The following FLCN variants were observed in gnomAD, a reference collection of about 807,000 sequenced individuals.
FLCN encodes the protein folliculin.
In FLCN, 22 loss-of-function variants were observed where a neutral mutation model predicts 62.5. The observed-to-expected ratio is 0.35, with a 90% CI of 0.25 to 0.50. FLCN has a LOEUF of 0.50. Ranked by LOEUF, FLCN falls within the 20% of genes least tolerant of loss-of-function variation. The pLI, the probability that FLCN is intolerant of heterozygous loss-of-function variation, is 0.97. For missense variants in FLCN, 657 were observed against 778.0 expected (o/e 0.84, Z 1.85); for synonymous variants, 319 against 310.0 (o/e 1.03, Z -0.30).
chr17:17,222,860 T>C, intron 6 of FLCN, 199 bp from the exon 7 acceptor site: 1 of 667,224 alleles, frequency 1.5e-6, no homozygotes, highest in South Asian at 1.7e-5. Context: ...TCAGGAGCTA[T>C]CCGAGAACAG....
At chr17:17,220,734 A>C (rs892572756) in intron 8 of FLCN, 2 of 167,880 alleles carry the variant, frequency 1.2e-5, no homozygotes, top group African/African-American at 4.8e-5. Context: ...TTAGCACTAT[A>C]ATAAATGGCT....
chr17:17,230,429 G>A (rs2047385440), intron 3 of FLCN, among the ~76,000 whole-genome samples: 2 of 152,102 alleles, frequency 1.3e-5, no homozygotes, highest in African/African-American at 4.8e-5. Context: ...TACTCAGGAG[G>A]CTGAGGCACG....
chr17:17,213,992 G>A (rs561632640), intron 13 of FLCN, 136 bp from the exon 14 acceptor site: 1 of 957,074 alleles, frequency 1.0e-6, no homozygotes, highest in East Asian at 2.5e-5. Flanking sequence ...ACACCCTTGG[G>A]GCAGCAGGCT....
intron 8 of FLCN, 151 bp from the exon 9 acceptor site, chr17:17,219,360 T>TG: frequency 2.5e-6 from 1 of 406,552 alleles, no homozygotes; most frequent in Non-Finnish European, 4.9e-6. Context: ...CTGGGAGCCC[T>TG]GGGGTGGGAG....
chr17:17,227,791 G>C (rs1008792267), intron 4 of FLCN, 98 bp downstream of exon 4: 67 of 1,547,970 alleles, frequency 4.3e-5, no homozygotes, highest in Non-Finnish European at 5.7e-5. Flanking sequence ...GAAGCAGTCT[G>C]TGTCACCCCG....
At chr17:17,228,209 A>G in intron 3 of FLCN, 48 bp from the exon 4 acceptor site, 1 of 1,575,108 alleles carries the variant, frequency 6.3e-7, no homozygotes, top group South Asian at 1.1e-5. Context: ...TATTGACTCC[A>G]TGAAACCTCC....
rs1555605922 is a variant in FLCN at position 17,212,501 on chromosome 17, A to AAAAT, written c.*1153_*1154insATTT. ...AAAAAAAAAAAAAAAAAAAAAAAAA[A>AAAAT]GGGCCAGGCACAGTGGCTCACGCTT... On this transcript the variant is annotated 3_prime_UTR_variant, in exon 14 of 14. Transcript: ENST00000285071. 1.2e-5 allele frequency: 2 copies of AAAAT among 160,846 alleles called. No individual in the cohort carries two copies. The highest frequency in any genetic ancestry group is 1.3e-5 in the Non-Finnish European group (1 of 74,652). The allele number at this position is 160,846 out of a possible 1,614,324, so 10.0% of individuals were successfully genotyped here. A position where few individuals can be genotyped will look rare whatever the true frequency, so the allele number is the denominator to read the frequency against.
chr17:17,230,954 T>C (rs1050337391), intron 3 of FLCN, among the ~76,000 whole-genome samples: 1 of 152,036 alleles, frequency 6.6e-6, no homozygotes, highest in Admixed American at 6.6e-5. Flanking sequence ...CCCAGCACTT[T>C]GGGAGGCCGA....
At position 17,216,254 on chromosome 17, in the gene FLCN, G is replaced by T; in HGVS notation, c.1300+126C>A. On this transcript the variant is annotated intron_variant, in intron 11 of 13. Coordinates refer to ENST00000285071, the MANE Select transcript of FLCN (RefSeq NM_144997.7). This position sits in a 1 kb window ranked among gnomAD's most constrained non-coding sequence, Gnocchi z 4.0. Reference sequence around the variant, plus strand: ...AGAACACGGAGGCCCAGAGCCATGGGGGAAGCTGGCCCTGCAATGAGGCCT... The same window carrying T: ...AGAACACGGAGGCCCAGAGCCATGGTGGAAGCTGGCCCTGCAATGAGGCCT... 1.4e-6 allele frequency: 2 copies of T among 1,387,086 alleles called. No individual in the cohort carries two copies. The highest frequency in any genetic ancestry group is 2.0e-6 in the Non-Finnish European group (2 of 1,018,846). The allele number at this position is 1,387,086 out of a possible 1,614,324, so 85.9% of individuals were successfully genotyped here.
In FLCN at chr17:17,216,793, A is replaced by G. The variant is rs1318068698; in HGVS notation, c.1176+276T>C. On this transcript the variant is annotated intron_variant, in intron 10 of 13. Transcript: ENST00000285071. This position sits in a 1 kb window ranked among gnomAD's most constrained non-coding sequence, Gnocchi z 4.0. The stretch of plus-strand genomic sequence containing the variant: ...TTGCCTGCACAGATGTTTGTCTCCT[A>G]CCGCATCCCACAAAGAAGCTTTTAC... Among the ~76,000 whole-genome samples the G allele has an allele frequency of 6.6e-6, 1 of 152,120 alleles. No individual in the cohort carries two copies. Among genetic ancestry groups the G allele is most frequent in the East Asian group, 1.9e-4 (1 of 5,192 alleles).
At position 17,221,271 on chromosome 17, in the gene FLCN, C is replaced by G. The variant is rs1005817051; in HGVS notation, c.871+266G>C. ...ACGAGAAGCCTTTAATCAGCCAGTT[C>G]TCTCTACAGACAGCCCACCTGTGAA... On this transcript the variant is annotated intron_variant, in intron 8 of 13. Coordinates refer to ENST00000285071, the MANE Select transcript of FLCN (RefSeq NM_144997.7). 9 of 1,545,894 alleles carry G rather than the reference C, an allele frequency of 5.8e-6. No homozygotes were observed. In the East Asian group the frequency reaches 2.0e-4, roughly 34 times the overall value.
chr17:17,230,029 A>C (rs1252402884), intron 3 of FLCN, among the ~76,000 whole-genome samples: 2 of 152,208 alleles, frequency 1.3e-5, no homozygotes, highest in African/African-American at 4.8e-5. Flanking sequence ...AGAAGGCTTT[A>C]AAATGGGGGT....
At chr17:17,224,988 A>G (rs1597609720) in intron 5 of FLCN, 1 of 152,672 alleles carries the variant, frequency 6.5e-6, no homozygotes, top group Non-Finnish European at 1.5e-5. Flanking sequence ...GGGCAGGCAC[A>G]CAGCCACACT....
intron 3 of FLCN, chr17:17,228,553 T>G: frequency 8.5e-5 from 21 of 246,736 alleles, no homozygotes; most frequent in South Asian, 1.7e-4. Context: ...ACCCAATACA[T>G]ATCTGCTTGG....
rs751632065 is a variant in FLCN at position 17,236,554 on chromosome 17, A to C, written c.-228+358T>G. ...CTGACAGTACTCTCAACTGGAGAGA[A>C]GCGCGGTCTTCCACCCTCCCTGGAG... On this transcript the variant is annotated intron_variant, in intron 1 of 13. Transcript: ENST00000285071. Among the ~76,000 whole-genome samples, 51 of 152,282 alleles carry C rather than the reference A, an allele frequency of 3.3e-4. 1 individual carries two copies. Among genetic ancestry groups the C allele is most frequent in the South Asian group, 6.2e-4 (3 of 4,828 alleles).
At chr17:17,233,108 G>C (rs2047470341) in intron 1 of FLCN, among the ~76,000 whole-genome samples, 1 of 152,102 alleles carries the variant, frequency 6.6e-6, no homozygotes, top group Non-Finnish European at 1.5e-5. Flanking sequence ...GCACCTCTGA[G>C]GCACTCTAAA....
intron 9 of FLCN, 103 bp from the exon 10 acceptor site, chr17:17,217,285 G>T: frequency 1.2e-6 from 1 of 831,492 alleles, no homozygotes; most frequent in South Asian, 1.4e-5. Context: ...GTAGAGCAAA[G>T]ACAGGGCTCA....
chr17:17,221,248 G>C, intron 8 of FLCN: 1 of 1,539,512 alleles, frequency 6.5e-7, no homozygotes. Context: ...AAATCGGGAC[G>C]AGAAGCCTTT....
At chr17:17,230,530 A>C (rs901983669) in intron 3 of FLCN, among the ~76,000 whole-genome samples, 1 of 151,490 alleles carries the variant, frequency 6.6e-6, no homozygotes, top group Non-Finnish European at 1.5e-5. Context: ...ACTCAGTCTC[A>C]AAAAAAACCA....
Sources: allele counts gnomAD v4.1 joint callset (sites outside exome capture counted in the v4.1 genomes callset), GRCh38; gene constraint gnomAD v4.1.1; non-coding constraint Gnocchi (gnomAD v3.1); transcripts MANE v1.5; gene names NCBI Gene and HGNC (gene_info 2026-07-23, HGNC 2026-07-21).